The following SHANK2 variants were observed in gnomAD, a reference collection of about 807,000 sequenced individuals.
SHANK2 encodes SH3 and multiple ankyrin repeat domains 2.
Under a neutral mutation model 133.7 loss-of-function variants are expected in SHANK2, and 43 were observed. The ratio of observed to expected loss-of-function variants is 0.32; its 90% CI spans 0.25 to 0.41. The LOEUF is 0.41. Among genes scored for constraint, SHANK2 ranks in the 10% least tolerant of loss-of-function variants. The pLI, the probability that SHANK2 is intolerant of heterozygous loss-of-function variation, is 1.00. For synonymous variants in SHANK2, 1,017 were observed against 952.8 expected (o/e 1.07, Z -1.24); for missense variants, 1,994 against 2,235.8 (o/e 0.89, Z 2.18).
At chr11:70,912,911 T>G (rs1950217174) in intron 10 of SHANK2, among the ~76,000 whole-genome samples, 1 of 152,162 alleles carries the variant, frequency 6.6e-6, no homozygotes, top group Non-Finnish European at 1.5e-5. Flanking sequence ...GGGAACAATT[T>G]CTGAGACAGG....
intron 8 of SHANK2, among the ~76,000 whole-genome samples, chr11:71,089,394 C>T (rs1296734993): frequency 1.3e-5 from 2 of 152,180 alleles, no homozygotes; most frequent in African/African-American, 4.8e-5. Context: ...GTCAGGCCTG[C>T]TCAGAAGCAT....
At chr11:70,546,983 TG>T (rs2059703614) in intron 17 of SHANK2, among the ~76,000 whole-genome samples, 1 of 152,196 alleles carries the variant, frequency 6.6e-6, no homozygotes, top group Non-Finnish European at 1.5e-5. Context: ...CCTGGATACC[TG>T]ATCAGGCCGC....
chr11:70,911,084 A>C (rs1950184920), intron 10 of SHANK2: 2 of 456,882 alleles, frequency 4.4e-6, no homozygotes, highest in Non-Finnish European at 8.8e-6. Context: ...CTTCCTCCAA[A>C]ATCACTCCAC....
At chr11:70,612,190 G>T (rs888675678) in intron 17 of SHANK2, among the ~76,000 whole-genome samples, 3 of 152,290 alleles carry the variant, frequency 2.0e-5, no homozygotes, top group Non-Finnish European at 4.4e-5. Flanking sequence ...TCACAGAGAG[G>T]ACTTTAATAA....
intron 12 of SHANK2, among the ~76,000 whole-genome samples, chr11:70,811,526 C>A (rs1948276570): frequency 6.6e-6 from 1 of 152,062 alleles, no homozygotes; most frequent in Admixed American, 6.6e-5. Context: ...TCCATCCATC[C>A]ACCCACCCAC....
intron 2 of SHANK2, among the ~76,000 whole-genome samples, chr11:71,193,942 C>T (rs577073921): frequency 3.3e-5 from 5 of 152,314 alleles, no homozygotes; most frequent in South Asian, 2.1e-4. Flanking sequence ...TAAAGACCCT[C>T]GCTCCAAATA....
intron 14 of SHANK2, among the ~76,000 whole-genome samples, chr11:70,765,576 C>T (rs1747125981): frequency 6.6e-6 from 1 of 152,154 alleles, no homozygotes; most frequent in African/African-American, 2.4e-5. Flanking sequence ...TTGGTTTCAG[C>T]CAGGATAGGC....
At chr11:70,605,037 G>A (rs752372608) in intron 17 of SHANK2, among the ~76,000 whole-genome samples, 2 of 152,238 alleles carry the variant, frequency 1.3e-5, no homozygotes, top group Non-Finnish European at 2.9e-5. Flanking sequence ...ATGGGCCTTG[G>A]TCAGGCAGCC....
chr11:70,766,422 T>A (rs1947125411), intron 14 of SHANK2, among the ~76,000 whole-genome samples: 1 of 152,238 alleles, frequency 6.6e-6, no homozygotes, highest in Non-Finnish European at 1.5e-5. Flanking sequence ...TTGGATAATC[T>A]GGCTGGGAGG....
chr11:70,771,786 G>T (rs1354787639), intron 14 of SHANK2, among the ~76,000 whole-genome samples: 2 of 152,188 alleles, frequency 1.3e-5, no homozygotes, highest in African/African-American at 2.4e-5. Flanking sequence ...GGATTTGGAG[G>T]TTCATAAATA....
chr11:70,578,346 C>G (rs568337075), intron 17 of SHANK2, among the ~76,000 whole-genome samples: 2 of 152,334 alleles, frequency 1.3e-5, no homozygotes, highest in Admixed American at 6.5e-5. Flanking sequence ...AACTTTTATT[C>G]CAGCCCCGCA....
intron 11 of SHANK2, chr11:70,872,904 C>A: frequency 2.3e-6 from 1 of 426,794 alleles, no homozygotes; most frequent in Non-Finnish European, 4.9e-6. Flanking sequence ...CCCAGCTCCT[C>A]GGGGCAGGAG....
At chr11:70,615,722 G>A (rs1180654066) in intron 17 of SHANK2, among the ~76,000 whole-genome samples, 2 of 152,222 alleles carry the variant, frequency 1.3e-5, no homozygotes, top group Admixed American at 6.5e-5. Flanking sequence ...GCGGCGCGTG[G>A]TGAACCTGCT....
At chr11:70,837,414 C>T (rs1948836180) in intron 11 of SHANK2, among the ~76,000 whole-genome samples, 1 of 152,326 alleles carries the variant, frequency 6.6e-6, no homozygotes, top group African/African-American at 2.4e-5. Context: ...CTGGCTGCTT[C>T]CAACTCCAGG....
chr11:70,588,435 A>G (rs1399376832), intron 17 of SHANK2, among the ~76,000 whole-genome samples: 1 of 152,232 alleles, frequency 6.6e-6, no homozygotes, highest in African/African-American at 2.4e-5. Context: ...AAGCTCTTGA[A>G]AGAAATTAAA....
At chr11:71,115,579 C>T (rs367958879) in intron 4 of SHANK2, among the ~76,000 whole-genome samples, 4 of 152,232 alleles carry the variant, frequency 2.6e-5, no homozygotes, top group Admixed American at 6.5e-5. Flanking sequence ...AGGCTCACAA[C>T]GCACACACTG....
At chr11:71,238,146 C>T (rs1954846137) in intron 1 of SHANK2, among the ~76,000 whole-genome samples, 2 of 152,238 alleles carry the variant, frequency 1.3e-5, no homozygotes, top group African/African-American at 2.4e-5. Context: ...ACCCTACGCA[C>T]TCATGATGCC....
intron 10 of SHANK2, among the ~76,000 whole-genome samples, chr11:70,934,775 G>A (rs1161002171): frequency 6.6e-6 from 1 of 152,192 alleles, no homozygotes; most frequent in Non-Finnish European, 1.5e-5. Flanking sequence ...GGTAAATCAC[G>A]AGTGGCGTGA....
At chr11:70,808,902 G>C (rs919898401) in intron 12 of SHANK2, among the ~76,000 whole-genome samples, 13 of 152,292 alleles carry the variant, frequency 8.5e-5, no homozygotes, top group Middle Eastern at 3.4e-3. Context: ...GGTTCTCCCA[G>C]TGCAGTTCCC....
Sources: gnomAD v4.1 joint callset for allele counts (sites outside exome capture counted in the v4.1 genomes callset) on GRCh38, gnomAD v4.1.1 for gene constraint, MANE v1.5 for transcripts, NCBI Gene and HGNC (gene_info 2026-07-23, HGNC 2026-07-21) for gene names.